Variants in NDC1 observed in about 807,000 individuals in gnomAD.
The protein encoded by NDC1 is NDC1 transmembrane nucleoporin.
NDC1 carries 24 observed loss-of-function variants against 89.8 expected under a neutral mutation model. That is an observed-to-expected ratio of 0.27 (90% CI 0.19 to 0.38). NDC1 has a LOEUF of 0.38. NDC1 is among the 10% of genes least tolerant of loss of function. The pLI, the probability that NDC1 is intolerant of heterozygous loss-of-function variation, is 1.00. For missense variants in NDC1, 728 were observed against 797.6 expected (o/e 0.91, Z 1.05); for synonymous variants, 296 against 284.8 (o/e 1.04, Z -0.39).
intron 16 of NDC1, among the ~76,000 whole-genome samples, chr1:53,786,618 A>G (rs1647316181): frequency 6.6e-6 from 1 of 152,242 alleles, no homozygotes; most frequent in Non-Finnish European, 1.5e-5. Flanking sequence ...CATATCCTAC[A>G]GGTTTAGTAT....
chr1:53,835,938 A>C (rs890497411), intron 1 of NDC1, among the ~76,000 whole-genome samples: 17 of 152,174 alleles, frequency 1.1e-4, no homozygotes, highest in African/African-American at 4.1e-4. Context: ...TTAATATATA[A>C]AGGCTGTACA....
At chr1:53,787,603 C>CA (rs992616415) in intron 15 of NDC1, among the ~76,000 whole-genome samples, 1 of 151,158 alleles carries the variant, frequency 6.6e-6, no homozygotes, top group Non-Finnish European at 1.5e-5. Context: ...CACACCACTG[C>CA]ACTCCAGCCT....
chr1:53,805,812 C>T lies in NDC1; in HGVS notation c.984+613G>A, dbSNP rs187851026. Among the ~76,000 whole-genome samples the T allele has an allele frequency of 4.8e-3, 730 of 152,266 alleles. 5 individuals carry two copies. The highest frequency in any genetic ancestry group is 0.017 in the African/African-American group (707 of 41,556). ...AATATTGGCCGGGCGCGGTGGCTCA[C>T]GCCTGTAATCCCAGCACTTTGGGAG... On this transcript the variant is annotated intron_variant, in intron 9 of 17. Coordinates refer to ENST00000371429, the MANE Select transcript of NDC1 (RefSeq NM_018087.5).
At chr1:53,783,194 A>G (rs1033588756) in intron 16 of NDC1, among the ~76,000 whole-genome samples, 2 of 152,100 alleles carry the variant, frequency 1.3e-5, no homozygotes, top group African/African-American at 4.8e-5. Flanking sequence ...GGTAGTGAAG[A>G]GGAGGAAGTC....
chr1:53,825,305 G>A (rs1028597059), intron 5 of NDC1, among the ~76,000 whole-genome samples: 10 of 151,952 alleles, frequency 6.6e-5, no homozygotes, highest in African/African-American at 1.9e-4. Flanking sequence ...GTGAAACCCC[G>A]TCACTACTAA....
chr1:53,774,565 A>T (rs72662306), intron 16 of NDC1, among the ~76,000 whole-genome samples: 17,845 of 152,196 alleles, frequency 0.12, 1,175 homozygotes, highest in Non-Finnish European at 0.15. Flanking sequence ...TTTACAGATG[A>T]CAAGGTAATG....
intron 16 of NDC1, among the ~76,000 whole-genome samples, chr1:53,773,920 A>G (rs1255889574): frequency 2.6e-5 from 4 of 152,054 alleles, no homozygotes; most frequent in Non-Finnish European, 4.4e-5. Flanking sequence ...GGATCTAACT[A>G]ATTTTCAAAC....
At chr1:53,819,501 T>C (rs1160722246) in intron 5 of NDC1, among the ~76,000 whole-genome samples, 10 of 152,182 alleles carry the variant, frequency 6.6e-5, no homozygotes, top group Admixed American at 6.5e-4. Context: ...ACTACCCTCA[T>C]CTTAGAGATG....
chr1:53,798,094 C>G (rs1043657804), intron 11 of NDC1, among the ~76,000 whole-genome samples: 22 of 149,750 alleles, frequency 1.5e-4, no homozygotes, highest in African/African-American at 4.9e-4. Flanking sequence ...CACTCCAGCA[C>G]AAGCCACAAA....
intron 6 of NDC1, among the ~76,000 whole-genome samples, chr1:53,814,866 T>C (rs1369801563): frequency 6.6e-6 from 1 of 152,104 alleles, no homozygotes; most frequent in African/African-American, 2.4e-5. Context: ...AAGAGACAGA[T>C]AAATTCCTGG....
chr1:53,810,395 G>C (rs1648263335), intron 6 of NDC1, among the ~76,000 whole-genome samples: 1 of 149,598 alleles, frequency 6.7e-6, no homozygotes, highest in African/African-American at 2.5e-5. Flanking sequence ...AAAATAAAAT[G>C]GTTTTAATTA....
chr1:53,784,474 T>C (rs1171545026), intron 16 of NDC1, among the ~76,000 whole-genome samples: 2 of 152,008 alleles, frequency 1.3e-5, no homozygotes, highest in Non-Finnish European at 2.9e-5. Context: ...TTGGCCAACA[T>C]GGTGAAACCC....
intron 6 of NDC1, among the ~76,000 whole-genome samples, chr1:53,814,909 G>C (rs1648428508): frequency 6.6e-6 from 1 of 152,098 alleles, no homozygotes; most frequent in Non-Finnish European, 1.5e-5. Flanking sequence ...AAATCAGGAA[G>C]AATCAGATAA....
At chr1:53,837,252 T>C (rs1467202436) in intron 1 of NDC1, among the ~76,000 whole-genome samples, 1 of 151,516 alleles carries the variant, frequency 6.6e-6, no homozygotes, top group Non-Finnish European at 1.5e-5. Flanking sequence ...GAAGATATCG[T>C]ATCTCTATTA....
chr1:53,772,727 A>G (rs558693885), intron 16 of NDC1, among the ~76,000 whole-genome samples: 2 of 151,588 alleles, frequency 1.3e-5, no homozygotes, highest in Admixed American at 1.3e-4. Context: ...ATAACAAAAC[A>G]AAACAAACAT....
chr1:53,778,013 T>A (rs1647176304), intron 16 of NDC1, among the ~76,000 whole-genome samples: 1 of 151,918 alleles, frequency 6.6e-6, no homozygotes, highest in Non-Finnish European at 1.5e-5. Context: ...TTTTTTTTTT[T>A]AAAGTGATGT....
At chr1:53,808,886 C>T (rs1019619790) in intron 7 of NDC1, among the ~76,000 whole-genome samples, 5 of 152,162 alleles carry the variant, frequency 3.3e-5, no homozygotes, top group Non-Finnish European at 7.4e-5. Context: ...TGTCAATATT[C>T]CCACTCCCTA....
rs1408304848 is a variant in NDC1, at chr1:53,800,758, G to A, written c.1157C>T (p.Ala386Val). 1 of 1,614,024 alleles carries A rather than the reference G, an allele frequency of 6.2e-7. No homozygotes were observed. Among genetic ancestry groups the A allele is most frequent in the Non-Finnish European group, 8.5e-7 (1 of 1,179,906 alleles). ...MTQKLILYQE[A>V]AATNGRVSSS... is the part of the protein sequence containing the mutation. ...AGACACTCTCCCATTCGTAGCAGCAGCTTCTTGATAGAGAATCAGTTTCTG... is the reference window on the plus strand; with the variant it reads ...AGACACTCTCCCATTCGTAGCAGCAACTTCTTGATAGAGAATCAGTTTCTG... Residue 386 changes from alanine to valine, a missense_variant, in exon 11 of 18, where the codon GCT becomes GTT. Physicochemically the swap from Ala to Val is moderately conservative, Grantham distance 64. Transcript: ENST00000371429.
intron 14 of NDC1, among the ~76,000 whole-genome samples, chr1:53,792,144 G>A (rs71503616): frequency 0.16 from 23,626 of 151,914 alleles, 3,388 homozygotes; most frequent in African/African-American, 0.38. Flanking sequence ...GGGTTTCACC[G>A]TGTTAGCCAG....
Sources: gnomAD v4.1 joint callset for allele counts (sites outside exome capture counted in the v4.1 genomes callset) on GRCh38, gnomAD v4.1.1 for gene constraint, MANE v1.5 for transcripts, NCBI Gene and HGNC (gene_info 2026-07-23, HGNC 2026-07-21) for gene names.